The following JPH2 variants were observed in gnomAD, a reference collection of about 807,000 sequenced individuals.
JPH2 encodes junctophilin-2.
Under a neutral mutation model 55.9 loss-of-function variants are expected in JPH2, and 38 were observed. The ratio of observed to expected loss-of-function variants is 0.68; its 90% CI spans 0.52 to 0.89. The LOEUF is 0.89. JPH2 is among the 40% of genes least tolerant of loss of function. The pLI, the probability that JPH2 is intolerant of heterozygous loss-of-function variation, is 0.00. For synonymous variants in JPH2, 480 were observed against 472.4 expected (o/e 1.02, Z -0.21); for missense variants, 964 against 1,037.6 (o/e 0.93, Z 0.97).
At chr20:44,180,631 C>T (rs1045748254) in intron 1 of JPH2, among the ~76,000 whole-genome samples, 14 of 152,156 alleles carry the variant, frequency 9.2e-5, no homozygotes, top group African/African-American at 3.1e-4. Flanking sequence ...GGAAAAAAGT[C>T]AACTTTGGGC....
At chr20:44,182,057 A>T (rs183072817) in intron 1 of JPH2, among the ~76,000 whole-genome samples, 17 of 152,330 alleles carry the variant, frequency 1.1e-4, no homozygotes, top group Admixed American at 2.0e-4. Flanking sequence ...ATCCCAGGAG[A>T]AGTCTTTTGA....
chr20:44,124,235 A>G (rs1359949742), intron 2 of JPH2, among the ~76,000 whole-genome samples: 2 of 151,974 alleles, frequency 1.3e-5, no homozygotes, highest in Non-Finnish European at 2.9e-5. Flanking sequence ...TCCCAGGCCC[A>G]TAACTGCTTG....
intron 2 of JPH2, among the ~76,000 whole-genome samples, chr20:44,150,667 A>G (rs1262276390): frequency 6.6e-6 from 1 of 152,234 alleles, no homozygotes; most frequent in Non-Finnish European, 1.5e-5. Flanking sequence ...AGCCTCTGGC[A>G]TAAGGATGGA....
intron 2 of JPH2, among the ~76,000 whole-genome samples, chr20:44,151,661 C>T (rs2072531764): frequency 6.6e-6 from 1 of 152,168 alleles, no homozygotes; most frequent in South Asian, 2.1e-4. Context: ...TCCCACCACC[C>T]TCTAGTGAGT....
chr20:44,133,524 AG>A (rs2072339673), intron 2 of JPH2, among the ~76,000 whole-genome samples: 1 of 151,980 alleles, frequency 6.6e-6, no homozygotes, highest in South Asian at 2.1e-4. Context: ...CTGATTCCAA[AG>A]GTTGTGCTAA....
At chr20:44,163,890 G>C (rs2072634570) in intron 1 of JPH2, among the ~76,000 whole-genome samples, 2 of 152,300 alleles carry the variant, frequency 1.3e-5, no homozygotes, top group South Asian at 2.1e-4. Context: ...CCTGGGCTCT[G>C]TTCCCTTCAA....
chr20:44,172,346 A>G (rs2072704885), intron 1 of JPH2, among the ~76,000 whole-genome samples: 1 of 152,206 alleles, frequency 6.6e-6, no homozygotes, highest in African/African-American at 2.4e-5. Flanking sequence ...GGACAAACCA[A>G]CCAACCAACC....
rs1384821217 is a variant in JPH2 at position 44,115,760 on chromosome 20, T to C, written c.1915A>G (p.Lys639Glu). 11 of 1,612,756 alleles carry C rather than the reference T, an allele frequency of 6.8e-6. No individual in the cohort carries two copies. The highest frequency in any genetic ancestry group is 8.5e-6 in the Non-Finnish European group (10 of 1,179,954). Residue 639 changes from lysine (K) to glutamate (E), a missense_variant, in exon 4 of 6, where the codon AAG becomes GAG. Coordinates refer to ENST00000372980, the MANE Select transcript of JPH2 (RefSeq NM_020433.5). ...TTGGTCAGCCCTCGAGCCTCAGTCT[T>C]GCGGGCCTTGGCCCTGGGCTCGGCT... ...PKAEPRAKAR[K>E]TEARGLTKAG...
intron 2 of JPH2, among the ~76,000 whole-genome samples, chr20:44,125,306 C>T (rs1279924337): frequency 6.6e-6 from 1 of 150,536 alleles, no homozygotes; most frequent in Non-Finnish European, 1.5e-5. Context: ...CAAAAGTCTG[C>T]CGACCCCTGT....
At chr20:44,146,930 C>A (rs544422365) in intron 2 of JPH2, among the ~76,000 whole-genome samples, 16 of 152,106 alleles carry the variant, frequency 1.1e-4, no homozygotes, top group Admixed American at 8.5e-4. Flanking sequence ...AATGCACATT[C>A]TTTTTGACCC....
At chr20:44,169,232 A>G (rs906006365) in intron 1 of JPH2, among the ~76,000 whole-genome samples, 1 of 145,238 alleles carries the variant, frequency 6.9e-6, no homozygotes, top group African/African-American at 2.6e-5. Context: ...GCTGGAGTGC[A>G]GTAGTGTGAT....
intron 1 of JPH2, among the ~76,000 whole-genome samples, chr20:44,166,001 C>T (rs538405476): frequency 2.0e-5 from 3 of 152,326 alleles, no homozygotes; most frequent in Non-Finnish European, 2.9e-5. Context: ...CACTGGCATG[C>T]GAGCTCCTTA....
chr20:44,147,767 C>T (rs576394449), intron 2 of JPH2, among the ~76,000 whole-genome samples: 2 of 152,276 alleles, frequency 1.3e-5, no homozygotes, highest in African/African-American at 2.4e-5. Flanking sequence ...AGAAACTCAC[C>T]GTATCTGAAG....
chr20:44,155,548 T>C (rs1013073324), intron 2 of JPH2, among the ~76,000 whole-genome samples: 5 of 152,158 alleles, frequency 3.3e-5, no homozygotes, highest in Non-Finnish European at 5.9e-5. Flanking sequence ...CTTCTCCCTC[T>C]TGAGTGTGGG....
chr20:44,146,219 G>A (rs2072493565), intron 2 of JPH2, among the ~76,000 whole-genome samples: 1 of 151,980 alleles, frequency 6.6e-6, no homozygotes, highest in Admixed American at 6.6e-5. Flanking sequence ...ATTTTTAGTA[G>A]AGACAGGGTT....
chr20:44,136,621 C>T (rs1453432011), intron 2 of JPH2, among the ~76,000 whole-genome samples: 5 of 152,128 alleles, frequency 3.3e-5, no homozygotes, highest in African/African-American at 1.2e-4. Context: ...TCCACACAGC[C>T]AGGGAAGAGG....
At chr20:44,134,750 TTTA>T (rs1434921518) in intron 2 of JPH2, among the ~76,000 whole-genome samples, 1 of 107,468 alleles carries the variant, frequency 9.3e-6, no homozygotes, top group Non-Finnish European at 1.7e-5. Flanking sequence ...TAAAGATATA[TTTA>T]TTATAAATAT....
chr20:44,115,752 C>G lies in JPH2; in HGVS notation c.1923G>C (p.Glu641Asp), dbSNP rs1239720444. 1 of 1,613,008 alleles carries G rather than the reference C, an allele frequency of 6.2e-7. No individual in the cohort carries two copies. Among genetic ancestry groups the G allele is most frequent in the Admixed American group, 1.7e-5 (1 of 60,008 alleles). The change falls in exon 4 of 6, where the codon GAG becomes GAC. Residue 641 changes from glutamate (E) to aspartate (D), a missense_variant. Glu to Asp is a conservative substitution (Grantham distance 45). Coordinates refer to ENST00000372980, the MANE Select transcript of JPH2 (RefSeq NM_020433.5). ...AEPRAKARKT[E>D]ARGLTKAGAK... ...CCCCCGCCTTGGTCAGCCCTCGAGC[C>G]TCAGTCTTGCGGGCCTTGGCCCTGG...
At chr20:44,129,223 G>A (rs1006773868) in intron 2 of JPH2, among the ~76,000 whole-genome samples, 1 of 152,158 alleles carries the variant, frequency 6.6e-6, no homozygotes, top group African/African-American at 2.4e-5. Flanking sequence ...GTGGGTGTGT[G>A]AGCTCTCAGC....
Sources: allele counts gnomAD v4.1 joint callset (sites outside exome capture counted in the v4.1 genomes callset), GRCh38; gene constraint gnomAD v4.1.1; transcripts MANE v1.5; gene names NCBI Gene and HGNC (gene_info 2026-07-23, HGNC 2026-07-21).